The following SULF1 variants were observed in gnomAD, a reference collection of about 807,000 sequenced individuals.
The protein encoded by SULF1 is extracellular sulfatase Sulf-1.
SULF1 carries 46 observed loss-of-function variants against 110.5 expected under a neutral mutation model. That is an observed-to-expected ratio of 0.42 (90% CI 0.33 to 0.53). The LOEUF (loss-of-function observed/expected upper bound fraction) is 0.53, where lower values mean the gene tolerates loss of function less well. Ranked by LOEUF, SULF1 falls within the 20% of genes least tolerant of loss-of-function variation. SULF1 has a pLI of 0.12. For missense variants in SULF1, 941 were observed against 1,094.2 expected, an observed-to-expected ratio of 0.86 and a Z score of 1.98; for synonymous variants, 371 against 387.1, an observed-to-expected ratio of 0.96 and a Z score of 0.49.
Position 69,640,809 on chromosome 8 carries a change from A to C in SULF1, c.2553A>C (p.Gly851=). 6.2e-7 allele frequency: 1 copy of C among 1,611,484 alleles called. No homozygotes were observed. The highest frequency in any genetic ancestry group is 1.1e-5 in the South Asian group (1 of 90,486). ...CNPRPKNLDV[G]NKDGGSYDLH... ...TACTCTTGTATTTTCCTATATCAGG[A>C]AATAAAGATGGAGGAAGCTATGACC... is the stretch of plus-strand genomic sequence containing the variant. Residue 851 remains glycine (G), a splice_region_variant and synonymous_variant, in exon 22 of 23, where the codon GGA becomes GGC. Coordinates refer to ENST00000402687, the MANE Select transcript of SULF1 (RefSeq NM_001128205.2).
chr8:69,485,678 C>T (rs530142240), intron 1 of SULF1, among the ~76,000 whole-genome samples: 1 of 152,304 alleles, frequency 6.6e-6, no homozygotes, highest in South Asian at 2.1e-4. Context: ...GGTCCTAGTC[C>T]CCATCACTGC....
intron 6 of SULF1, among the ~76,000 whole-genome samples, chr8:69,580,157 T>A (rs1340915672): frequency 6.6e-6 from 1 of 152,122 alleles, no homozygotes; most frequent in Non-Finnish European, 1.5e-5. Flanking sequence ...TTTTCTAAGT[T>A]TACTCATGGA....
At chr8:69,536,051 T>G (rs1813411546) in intron 3 of SULF1, among the ~76,000 whole-genome samples, 1 of 151,716 alleles carries the variant, frequency 6.6e-6, no homozygotes, top group Non-Finnish European at 1.5e-5. Context: ...CTGCAAGCAA[T>G]CACCAGCACC....
intron 7 of SULF1, among the ~76,000 whole-genome samples, chr8:69,587,852 G>A (rs1307528531): frequency 1.3e-5 from 2 of 151,960 alleles, no homozygotes; most frequent in Non-Finnish European, 2.9e-5. Flanking sequence ...AGCTGATTAA[G>A]TGTCAAAGAC....
chr8:69,576,652 G>A (rs1024659625), intron 6 of SULF1, among the ~76,000 whole-genome samples: 5 of 152,164 alleles, frequency 3.3e-5, no homozygotes, highest in African/African-American at 1.2e-4. Flanking sequence ...TTCAAGAGGG[G>A]TAGTGAACAT....
intron 3 of SULF1, among the ~76,000 whole-genome samples, chr8:69,546,699 C>T (rs1814281134): frequency 6.6e-6 from 1 of 152,190 alleles, no homozygotes. Context: ...ATTTTGTAGA[C>T]ATATTGTTAC....
chr8:69,517,726 A>G (rs1287374128), intron 3 of SULF1, among the ~76,000 whole-genome samples: 3 of 152,222 alleles, frequency 2.0e-5, no homozygotes, highest in Admixed American at 2.0e-4. Context: ...CCAGTAAAAA[A>G]GAAGTCAATA....
chr8:69,587,716 C>T (rs1026459876), intron 7 of SULF1, among the ~76,000 whole-genome samples: 18 of 152,198 alleles, frequency 1.2e-4, no homozygotes, highest in African/African-American at 4.3e-4. Flanking sequence ...CCTTTGCTGT[C>T]TGTAGGGATG....
At chr8:69,575,655 T>C (rs900569346) in intron 5 of SULF1, among the ~76,000 whole-genome samples, 2 of 152,186 alleles carry the variant, frequency 1.3e-5, no homozygotes, top group Non-Finnish European at 2.9e-5. Flanking sequence ...CTGGTAATCT[T>C]CAAAGGGCTG....
intron 6 of SULF1, among the ~76,000 whole-genome samples, chr8:69,582,090 T>A (rs1459629723): frequency 6.6e-6 from 1 of 151,648 alleles, no homozygotes; most frequent in African/African-American, 2.4e-5. Flanking sequence ...TAGAAAACAG[T>A]ACAAAATATC....
intron 22 of SULF1, among the ~76,000 whole-genome samples, chr8:69,657,404 G>A (rs1487796699): frequency 6.6e-6 from 1 of 152,196 alleles, no homozygotes; most frequent in African/African-American, 2.4e-5. Context: ...GCACAAGGCT[G>A]GGACTTAGGG....
upstream of SULF1, among the ~76,000 whole-genome samples, chr8:69,488,386 T>A (rs978358464): frequency 6.6e-6 from 1 of 152,212 alleles, no homozygotes; most frequent in Non-Finnish European, 1.5e-5. Context: ...TTAAGCCATC[T>A]CAGGAAAGAG....
At chr8:69,497,586 C>T (rs997339789) in intron 2 of SULF1, among the ~76,000 whole-genome samples, 2 of 152,208 alleles carry the variant, frequency 1.3e-5, no homozygotes, top group African/African-American at 4.8e-5. Context: ...ATAAAAATGC[C>T]TCCAATTCAC....
In SULF1 at chr8:69,600,602, G is replaced by A; in HGVS notation, c.735-1G>A. The A allele has an allele frequency of 6.2e-7, 1 of 1,600,444 alleles. No individual in the cohort carries two copies. Among genetic ancestry groups the A allele is most frequent in the South Asian group, 1.1e-5 (1 of 88,770 alleles). ...TAAGATTCCTTTCTGGATATTTTCA[G>A]AACTCCTAGTTATAACTATGCACCA... is the stretch of plus-strand genomic sequence containing the variant. On this transcript the variant is annotated splice_acceptor_variant, in intron 8 of 22. Coordinates refer to ENST00000402687, the MANE Select transcript of SULF1 (RefSeq NM_001128205.2). LOFTEE classifies it high-confidence loss of function.
intron 13 of SULF1, among the ~76,000 whole-genome samples, chr8:69,617,354 C>T (rs1809231574): frequency 8.5e-6 from 1 of 117,850 alleles, no homozygotes; most frequent in South Asian, 3.0e-4. Context: ...ATACCACAGG[C>T]ATGTGCCAGC....
intron 1 of SULF1, among the ~76,000 whole-genome samples, chr8:69,484,053 A>G (rs1009903532): frequency 7.2e-5 from 11 of 152,142 alleles, no homozygotes; most frequent in Admixed American, 2.6e-4. Flanking sequence ...AAGTTTACAG[A>G]CTTGCAGGGG....
chr8:69,640,867 A>T, intron 22 of SULF1, 26 bp downstream of exon 22: 1 of 1,603,586 alleles, frequency 6.2e-7, no homozygotes, highest in Non-Finnish European at 8.5e-7. Flanking sequence ...TATTCTTCTC[A>T]ACAGCTTCTT....
chr8:69,492,486 G>T (rs116755329), upstream of SULF1, among the ~76,000 whole-genome samples: 2,707 of 152,240 alleles, frequency 0.018, 64 homozygotes, highest in African/African-American at 0.062. Flanking sequence ...TGGAACGCCT[G>T]GCTTTCCAAA....
intron 5 of SULF1, among the ~76,000 whole-genome samples, chr8:69,569,441 A>T (rs1236513483): frequency 1.3e-5 from 2 of 152,238 alleles, no homozygotes; most frequent in South Asian, 4.1e-4. Context: ...TGAAGCAGTC[A>T]TCACTTGGAT....
Sources: gnomAD v4.1 joint callset for allele counts (sites outside exome capture counted in the v4.1 genomes callset) on GRCh38, gnomAD v4.1.1 for gene constraint, MANE v1.5 for transcripts, NCBI Gene and HGNC (gene_info 2026-07-23, HGNC 2026-07-21) for gene names.